The following MICU1 variants were observed in gnomAD, a reference collection of about 807,000 sequenced individuals.
MICU1 encodes the protein mitochondrial calcium uptake 1.
Under a neutral mutation model 56.8 loss-of-function variants are expected in MICU1, and 45 were observed. The observed-to-expected ratio is 0.79, with a 90% CI of 0.62 to 1.02. MICU1 has a LOEUF of 1.02. Ranked by LOEUF, MICU1 falls within the 50% of genes least tolerant of loss-of-function variation. The pLI, the probability that MICU1 is intolerant of heterozygous loss-of-function variation, is 0.00. For synonymous variants in MICU1, 186 were observed against 195.1 expected (o/e 0.95, Z 0.39); for missense variants, 504 against 587.1 (o/e 0.86, Z 1.46).
intron 6 of MICU1, among the ~76,000 whole-genome samples, chr10:72,490,891 G>T (rs562772861): frequency 6.6e-6 from 1 of 152,242 alleles, no homozygotes; most frequent in African/African-American, 2.4e-5. Context: ...CCAAGGACCC[G>T]TTTTTTCCCC....
At chr10:72,369,442 A>G (rs1208132403) in intron 11 of MICU1, among the ~76,000 whole-genome samples, 2 of 152,234 alleles carry the variant, frequency 1.3e-5, no homozygotes, top group Non-Finnish European at 2.9e-5. Flanking sequence ...AAGCAGGCAG[A>G]TTTCCATTTT....
chr10:72,526,932 CAAAAAAAAAAA>C (rs57033966), intron 5 of MICU1, among the ~76,000 whole-genome samples: 2 of 127,636 alleles, frequency 1.6e-5, no homozygotes, highest in Non-Finnish European at 3.1e-5. Flanking sequence ...GTAATGGCTT[CAAAAAAAAAAA>C]AAAAAAAAAG....
chr10:72,555,829 T>C (rs188425598), intron 3 of MICU1, among the ~76,000 whole-genome samples: 117 of 152,324 alleles, frequency 7.7e-4, no homozygotes, highest in Non-Finnish European at 1.2e-3. Context: ...GGGTTACAAA[T>C]TAAATAAGAG....
At chr10:72,595,898 G>C (rs1269603923) in intron 1 of MICU1, among the ~76,000 whole-genome samples, 2 of 152,130 alleles carry the variant, frequency 1.3e-5, no homozygotes, top group Non-Finnish European at 2.9e-5. Context: ...GGGAAGCTGA[G>C]GAGGAAGGAT....
rs140410333 is a variant in MICU1 at position 72,604,064 on chromosome 10, G to GAC, written c.-2+21944_-2+21945dup. Among the ~76,000 whole-genome samples, 406 of 149,878 alleles carry GAC rather than the reference G, an allele frequency of 2.7e-3. 4 individuals are homozygous for GAC. Among genetic ancestry groups the GAC allele is most frequent in the Middle Eastern group, 0.017 (5 of 292 alleles). On this transcript the variant is annotated intron_variant, in intron 1 of 11. Transcript: ENST00000361114. ...CCAATCTGTAAGGATTTTACACAAA[G>GAC]ACACACACACACACACACATCTGCT... is the stretch of plus-strand genomic sequence containing the variant.
intron 7 of MICU1, chr10:72,475,863 A>G (rs1348649392): frequency 2.2e-6 from 1 of 456,734 alleles, no homozygotes; most frequent in East Asian, 6.9e-5. Context: ...CAGCCTGACA[A>G]CTTTATAATT....
intron 10 of MICU1, among the ~76,000 whole-genome samples, chr10:72,377,064 C>G (rs1862545851): frequency 6.6e-6 from 1 of 152,076 alleles, no homozygotes; most frequent in Non-Finnish European, 1.5e-5. Context: ...CAGACTTCTT[C>G]CAACTGAGCC....
chr10:72,505,831 G>A (rs1867228911), intron 6 of MICU1, among the ~76,000 whole-genome samples: 1 of 152,082 alleles, frequency 6.6e-6, no homozygotes, highest in Admixed American at 6.5e-5. Flanking sequence ...GCGGGAGGGG[G>A]ACAAGGGCTG....
chr10:72,435,501 T>C (rs1864681913), intron 8 of MICU1, among the ~76,000 whole-genome samples: 1 of 152,106 alleles, frequency 6.6e-6, no homozygotes, highest in Non-Finnish European at 1.5e-5. Context: ...ATTTCTGCAT[T>C]TCCAATTGAG....
At chr10:72,527,913 G>A (rs1402742747) in intron 5 of MICU1, among the ~76,000 whole-genome samples, 4 of 152,052 alleles carry the variant, frequency 2.6e-5, no homozygotes, top group African/African-American at 9.7e-5. Context: ...TGCAACCTCC[G>A]CCTCTCAGGT....
intron 1 of MICU1, among the ~76,000 whole-genome samples, chr10:72,572,013 A>T (rs905843455): frequency 7.8e-6 from 1 of 128,588 alleles, no homozygotes; most frequent in East Asian, 2.0e-4. Context: ...GTACTATGGT[A>T]AAAAAAAAAA....
At chr10:72,395,613 A>T (rs1863229369) in intron 10 of MICU1, among the ~76,000 whole-genome samples, 1 of 152,212 alleles carries the variant, frequency 6.6e-6, no homozygotes, top group African/African-American at 2.4e-5. Context: ...AGCAACCGGT[A>T]GGCAAGGTGA....
intron 1 of MICU1, among the ~76,000 whole-genome samples, chr10:72,600,292 CAA>C (rs57782974): frequency 0.042 from 5,090 of 122,278 alleles, 235 homozygotes; most frequent in African/African-American, 0.12. Flanking sequence ...AACTCCATCT[CAA>C]AAAAAAAAAA....
chr10:72,597,495 T>C (rs1841412252), intron 1 of MICU1, among the ~76,000 whole-genome samples: 1 of 152,206 alleles, frequency 6.6e-6, no homozygotes, highest in Non-Finnish European at 1.5e-5. Flanking sequence ...CTTGAGATCA[T>C]AAGTGTTTTG....
intron 6 of MICU1, among the ~76,000 whole-genome samples, chr10:72,502,388 TCAAGTTATCCAC>T (rs951612508): frequency 1.6e-4 from 24 of 152,252 alleles, no homozygotes; most frequent in Non-Finnish European, 7.4e-5. Flanking sequence ...ACTCCTGACC[TCAAGTTATCCAC>T]CCACCTCAGC....
intron 9 of MICU1, among the ~76,000 whole-genome samples, chr10:72,421,853 C>T (rs1864185407): frequency 6.6e-6 from 1 of 152,210 alleles, no homozygotes; most frequent in Admixed American, 6.5e-5. Context: ...TTCCATTGCA[C>T]TGTGAGTGAA....
At chr10:72,437,492 T>C (rs1864772117) in intron 8 of MICU1, among the ~76,000 whole-genome samples, 2 of 152,310 alleles carry the variant, frequency 1.3e-5, no homozygotes, top group African/African-American at 2.4e-5. Context: ...CATAATTTAA[T>C]AGGCAAAATA....
intron 8 of MICU1, among the ~76,000 whole-genome samples, chr10:72,449,102 T>TA (rs1218536611): frequency 6.6e-6 from 1 of 152,140 alleles, no homozygotes; most frequent in Non-Finnish European, 1.5e-5. Context: ...CCAGCTAATT[T>TA]AAAAAATTTT....
intron 8 of MICU1, among the ~76,000 whole-genome samples, chr10:72,471,065 T>C (rs746112624): frequency 1.6e-4 from 24 of 152,244 alleles, no homozygotes; most frequent in Non-Finnish European, 3.1e-4. Context: ...CTTTATAATA[T>C]TTTCCCTCAT....
Sources: allele counts gnomAD v4.1 joint callset (sites outside exome capture counted in the v4.1 genomes callset), GRCh38; gene constraint gnomAD v4.1.1; transcripts MANE v1.5; gene names NCBI Gene and HGNC (gene_info 2026-07-23, HGNC 2026-07-21).